The following DOCK8 variants were observed in gnomAD, a reference collection of about 807,000 sequenced individuals.
DOCK8 encodes dedicator of cytokinesis protein 8.
A neutral mutation model predicts 245.6 loss-of-function variants in DOCK8; 141 were observed. That is an observed-to-expected ratio of 0.57 (90% confidence interval 0.50 to 0.66). The LOEUF is 0.66. DOCK8 is among the 30% of genes least tolerant of loss of function. The probability of loss-of-function intolerance (pLI) is 0.00; values close to 1 mark genes in which losing one functional copy is unlikely to be tolerated. For synonymous variants in DOCK8, 1,168 were observed against 970.2 expected, an observed-to-expected ratio of 1.20 and a Z score of -3.79; for missense variants, 2,965 against 2,603.4, an observed-to-expected ratio of 1.14 and a Z score of -3.02.
At chr9:308,949 A>G (rs1316553726) in intron 5 of DOCK8, among the ~76,000 whole-genome samples, 2 of 152,148 alleles carry the variant, frequency 1.3e-5, no homozygotes, top group African/African-American at 2.4e-5. Context: ...GAGCCACCGC[A>G]CCTGGCCAGG....
chr9:442,292 T>G (rs1194055313), intron 42 of DOCK8, among the ~76,000 whole-genome samples: 1 of 152,244 alleles, frequency 6.6e-6, no homozygotes, highest in Admixed American at 6.5e-5. Context: ...CAAAATTCAA[T>G]CAAGGTCATG....
At chr9:290,984 A>G (rs1041643163) in intron 4 of DOCK8, among the ~76,000 whole-genome samples, 11 of 152,360 alleles carry the variant, frequency 7.2e-5, no homozygotes, top group African/African-American at 2.6e-4. Context: ...TTAGATGCCA[A>G]TCCATCATCT....
chr9:227,163 T>C (rs780517768), intron 1 of DOCK8, among the ~76,000 whole-genome samples: 1 of 152,186 alleles, frequency 6.6e-6, no homozygotes, highest in Non-Finnish European at 1.5e-5. Flanking sequence ...AAAGGATGCT[T>C]TTGTAATTGG....
At chr9:232,239 A>T (rs2047133825) in intron 1 of DOCK8, among the ~76,000 whole-genome samples, 1 of 152,154 alleles carries the variant, frequency 6.6e-6, no homozygotes, top group Non-Finnish European at 1.5e-5. Context: ...CATCCCAGGG[A>T]TGAAGCCCAC....
chr9:415,228 T>C (rs1004688109), intron 29 of DOCK8, among the ~76,000 whole-genome samples: 3 of 152,224 alleles, frequency 2.0e-5, no homozygotes, highest in Non-Finnish European at 4.4e-5. Flanking sequence ...GAATGAACTT[T>C]ATAAACCATA....
intron 2 of DOCK8, among the ~76,000 whole-genome samples, chr9:275,921 C>T (rs1324288935): frequency 6.7e-6 from 1 of 148,502 alleles, no homozygotes; most frequent in South Asian, 2.1e-4. Context: ...AATGGAATTT[C>T]CCTCTGTCAC....
At chr9:333,941 T>C (rs2051177441) in intron 10 of DOCK8, among the ~76,000 whole-genome samples, 2 of 152,238 alleles carry the variant, frequency 1.3e-5, no homozygotes, top group Non-Finnish European at 2.9e-5. Flanking sequence ...TAATCTGATG[T>C]AATGAGTCTC....
intron 37 of DOCK8, among the ~76,000 whole-genome samples, chr9:433,211 G>A (rs2056779024): frequency 6.6e-6 from 1 of 152,112 alleles, no homozygotes; most frequent in African/African-American, 2.4e-5. Context: ...CAAACTATGG[G>A]CAGTTTAATA....
intron 2 of DOCK8, among the ~76,000 whole-genome samples, chr9:281,833 C>G (rs1204015851): frequency 6.6e-6 from 1 of 152,220 alleles, no homozygotes; most frequent in Non-Finnish European, 1.5e-5. Flanking sequence ...AAGGGCAAGA[C>G]TAGTTTACAC....
At chr9:311,299 A>AAAG (rs60559165) in intron 5 of DOCK8, among the ~76,000 whole-genome samples, 2 of 150,108 alleles carry the variant, frequency 1.3e-5, no homozygotes, top group Admixed American at 6.6e-5. Context: ...AAAAAAAAAA[A>AAAG]GGTAATCATA....
chr9:325,632 A>T (rs1586703355), intron 7 of DOCK8, 39 bp from the exon 8 acceptor site: 1 of 1,579,472 alleles, frequency 6.3e-7, no homozygotes, highest in Non-Finnish European at 8.7e-7. Context: ...AAATTATCTA[A>T]CTCAAAGCCA....
At chr9:360,358 T>G (rs979094748) in intron 14 of DOCK8, among the ~76,000 whole-genome samples, 2 of 151,614 alleles carry the variant, frequency 1.3e-5, no homozygotes, top group African/African-American at 2.4e-5. Flanking sequence ...GAAACACTGA[T>G]TTTTCTGGTA....
At chr9:400,883 A>C (rs1332739415) in intron 26 of DOCK8, among the ~76,000 whole-genome samples, 3 of 97,536 alleles carry the variant, frequency 3.1e-5, no homozygotes, top group Non-Finnish European at 5.7e-5. Flanking sequence ...CACCACCTCC[A>C]CCACCACCAC....
intron 1 of DOCK8, among the ~76,000 whole-genome samples, chr9:260,247 C>T (rs1283510908): frequency 6.6e-6 from 1 of 152,196 alleles, no homozygotes. Flanking sequence ...AAATTTTCAG[C>T]TCACCAGAAG....
chr9:266,786 G>A (rs663327), intron 1 of DOCK8, among the ~76,000 whole-genome samples: 64,779 of 151,894 alleles, frequency 0.43, 14,352 homozygotes, highest in East Asian at 0.78. Context: ...CCTTCCGGGA[G>A]AATAAAGAGG....
At chr9:425,520 C>G (rs569452218) in intron 33 of DOCK8, among the ~76,000 whole-genome samples, 3 of 119,724 alleles carry the variant, frequency 2.5e-5, no homozygotes, top group Non-Finnish European at 4.9e-5. Context: ...GCCTGGGCGA[C>G]AGAGGGAGAC....
intron 4 of DOCK8, among the ~76,000 whole-genome samples, chr9:295,772 G>T (rs781485889): frequency 6.6e-6 from 1 of 152,148 alleles, no homozygotes; most frequent in Non-Finnish European, 1.5e-5. Flanking sequence ...TGTGGTAATG[G>T]TTTTGAATCC....
intron 22 of DOCK8, among the ~76,000 whole-genome samples, chr9:383,696 G>C (rs151264851): frequency 1.5e-4 from 9 of 59,766 alleles, no homozygotes; most frequent in African/African-American, 5.2e-4. Flanking sequence ...GTGAGACTCC[G>C]TCTCAAAAAA....
At chr9:359,368 C>T (rs1207506982) in intron 14 of DOCK8, among the ~76,000 whole-genome samples, 1 of 152,186 alleles carries the variant, frequency 6.6e-6, no homozygotes, top group Non-Finnish European at 1.5e-5. Flanking sequence ...TCTCTTCACA[C>T]CTCAGTTTTA....
Sources: gnomAD v4.1 joint callset for allele counts (sites outside exome capture counted in the v4.1 genomes callset) on GRCh38, gnomAD v4.1.1 for gene constraint, MANE v1.5 for transcripts, NCBI Gene and HGNC (gene_info 2026-07-23, HGNC 2026-07-21) for gene names.